Variants in TENM3 observed in about 807,000 individuals in gnomAD.
The protein encoded by TENM3 is teneurin-3.
TENM3 carries 63 observed loss-of-function variants against 255.1 expected under a neutral mutation model. That is an observed-to-expected ratio of 0.25 (90% CI 0.20 to 0.30). The LOEUF (loss-of-function observed/expected upper bound fraction) is 0.30. Among genes scored for constraint, TENM3 ranks in the 10% least tolerant of loss-of-function variants. The probability of loss-of-function intolerance (pLI) is 1.00; values close to 1 mark genes in which losing one functional copy is unlikely to be tolerated. For synonymous variants in TENM3, 1,306 were observed against 1,322.3 expected, an observed-to-expected ratio of 0.99 and a Z score of 0.27; for missense variants, 2,929 against 3,461.1, an observed-to-expected ratio of 0.85 and a Z score of 3.86.
At chr4:181,538,585 C>T in the TENM3 span, among the ~76,000 whole-genome samples, 1 of 152,072 alleles carries the variant, frequency 6.6e-6, no homozygotes, top group African/African-American at 2.4e-5. Context: ...ACCTATGAGA[C>T]TTTGTTCCAT....
the TENM3 span, among the ~76,000 whole-genome samples, chr4:181,751,768 C>T: frequency 3.9e-5 from 6 of 152,060 alleles, no homozygotes; most frequent in South Asian, 2.1e-4. Context: ...TTTTTTTCCA[C>T]GTAAATTAGT....
chr4:182,591,395 T>C (rs184516220), intron 3 of TENM3, among the ~76,000 whole-genome samples: 2 of 152,330 alleles, frequency 1.3e-5, no homozygotes, highest in Admixed American at 6.5e-5. Flanking sequence ...ATCTGAGTAA[T>C]ACCTTCTAGG....
chr4:181,760,995 C>CACACACACACAT, the TENM3 span, among the ~76,000 whole-genome samples: 1 of 129,562 alleles, frequency 7.7e-6, no homozygotes, highest in Non-Finnish European at 1.6e-5. Context: ...CACACACACA[C>CACACACACACAT]ACACACACAC....
chr4:182,267,758 C>T (rs1386851259), intron 1 of TENM3, among the ~76,000 whole-genome samples: 1 of 150,956 alleles, frequency 6.6e-6, no homozygotes, highest in Non-Finnish European at 1.5e-5. Flanking sequence ...TTATTTCTTG[C>T]TACACTTTAT....
chr4:182,030,879 C>G, the TENM3 span, among the ~76,000 whole-genome samples: 1 of 152,104 alleles, frequency 6.6e-6, no homozygotes, highest in Admixed American at 6.6e-5. Context: ...TGTTCATGTC[C>G]TTCGCCCACG....
At chr4:181,940,774 T>A in the TENM3 span, among the ~76,000 whole-genome samples, 2,320 of 152,264 alleles carry the variant, frequency 0.015, 57 homozygotes, top group African/African-American at 0.053. Flanking sequence ...ACATGGCATA[T>A]CTCTTCTTCT....
the TENM3 span, among the ~76,000 whole-genome samples, chr4:181,827,407 G>A: frequency 2.7e-3 from 413 of 152,294 alleles, 3 homozygotes; most frequent in African/African-American, 9.6e-3. Flanking sequence ...TGAGCAGTCG[G>A]CAGAGCCAGA....
At chr4:181,614,534 G>A in the TENM3 span, among the ~76,000 whole-genome samples, 1 of 152,154 alleles carries the variant, frequency 6.6e-6, no homozygotes, top group East Asian at 1.9e-4. Flanking sequence ...ATATTACCAT[G>A]TATTTTAAAG....
intron 1 of TENM3, among the ~76,000 whole-genome samples, chr4:182,213,952 C>T (rs1048915348): frequency 6.6e-6 from 1 of 152,036 alleles, no homozygotes; most frequent in African/African-American, 2.4e-5. Flanking sequence ...CAGGCGCCCG[C>T]CACCACGCCT....
intron 3 of TENM3, among the ~76,000 whole-genome samples, chr4:182,541,044 T>A (rs1740833087): frequency 6.6e-6 from 1 of 152,208 alleles, no homozygotes; most frequent in South Asian, 2.1e-4. Context: ...CTATCACTAA[T>A]CCCATTTTAC....
intron 5 of TENM3, among the ~76,000 whole-genome samples, chr4:182,640,013 C>G (rs1252611262): frequency 2.0e-5 from 3 of 152,116 alleles, no homozygotes; most frequent in African/African-American, 7.2e-5. Flanking sequence ...TTGCTTGAAC[C>G]CAGGAGGCGG....
intron 1 of TENM3, among the ~76,000 whole-genome samples, chr4:182,299,364 T>C (rs1761710905): frequency 6.6e-6 from 1 of 152,140 alleles, no homozygotes; most frequent in Non-Finnish European, 1.5e-5. Context: ...ATTGAATCAA[T>C]ATGGAGCAAG....
At chr4:181,519,002 C>T in the TENM3 span, among the ~76,000 whole-genome samples, 51 of 152,206 alleles carry the variant, frequency 3.4e-4, no homozygotes, top group African/African-American at 1.1e-3. Context: ...TAAAAGAGTT[C>T]GTTTTTCACT....
At chr4:181,739,129 G>C in the TENM3 span, among the ~76,000 whole-genome samples, 4 of 152,102 alleles carry the variant, frequency 2.6e-5, no homozygotes, top group Non-Finnish European at 5.9e-5. Flanking sequence ...GGAACAAAAC[G>C]CCAGCCATCA....
chr4:182,592,795 A>G (rs1728361483), intron 3 of TENM3, among the ~76,000 whole-genome samples: 1 of 152,216 alleles, frequency 6.6e-6, no homozygotes, highest in South Asian at 2.1e-4. Flanking sequence ...TTTAAGAAAG[A>G]GGTCAATTTT....
At chr4:182,345,053 G>A (rs77918372) in intron 2 of TENM3, among the ~76,000 whole-genome samples, 4,726 of 151,938 alleles carry the variant, frequency 0.031, 150 homozygotes, top group African/African-American at 0.082. Context: ...GTTCAGATAC[G>A]TGTTCACATC....
At position 182,688,332 on chromosome 4, in the gene TENM3, T is replaced by G. The variant is rs760795154; in HGVS notation, c.2202T>G (p.Asn734Lys). 2 of 1,612,822 alleles carry G rather than the reference T, an allele frequency of 1.2e-6. No individual in the cohort carries two copies. The highest frequency in any genetic ancestry group is 1.7e-6 in the Non-Finnish European group (2 of 1,179,350). The change falls in exon 12 of 28, where the codon AAT becomes AAG. Residue 734 changes from asparagine (N) to lysine (K), a missense_variant. By Grantham distance (94) the Asn-to-Lys change is moderately conservative. Transcript: ENST00000511685. Reference protein sequence around the residue: ...DGKCECSQGWNGEHCTIEGCP... With the variant: ...DGKCECSQGWKGEHCTIEGCP... Reference sequence around the variant, plus strand: ...AGTGTGAATGCAGCCAGGGCTGGAATGGAGAGCACTGCACTATCGGTAGGC... The same window carrying G: ...AGTGTGAATGCAGCCAGGGCTGGAAGGGAGAGCACTGCACTATCGGTAGGC...
intron 20 of TENM3, among the ~76,000 whole-genome samples, chr4:182,752,415 A>G (rs1762439251): frequency 6.6e-6 from 1 of 152,124 alleles, no homozygotes; most frequent in Non-Finnish European, 1.5e-5. Flanking sequence ...GCTTCTTTAA[A>G]ACCCATCACT....
chr4:181,899,703 G>A, the TENM3 span, among the ~76,000 whole-genome samples: 1 of 151,988 alleles, frequency 6.6e-6, no homozygotes, highest in Non-Finnish European at 1.5e-5. Flanking sequence ...GAGTAGCTGG[G>A]ACTACAGGCA....
Sources: gnomAD v4.1 joint callset for allele counts (sites outside exome capture counted in the v4.1 genomes callset) on GRCh38, gnomAD v4.1.1 for gene constraint, MANE v1.5 for transcripts, NCBI Gene and HGNC (gene_info 2026-07-23, HGNC 2026-07-21) for gene names.